The following HIPK2 variants were observed in gnomAD, a reference collection of about 807,000 sequenced individuals.
The protein encoded by HIPK2 is homeodomain-interacting protein kinase 2.
HIPK2 carries 27 observed loss-of-function variants against 113.7 expected under a neutral mutation model. That is an observed-to-expected ratio of 0.24 (90% confidence interval 0.17 to 0.33). The LOEUF is 0.33. HIPK2 is among the 10% of genes least tolerant of loss of function. The pLI is 1.00. For synonymous variants in HIPK2, 631 were observed against 642.2 expected, an observed-to-expected ratio of 0.98 and a Z score of 0.26; for missense variants, 1,257 against 1,588.0, an observed-to-expected ratio of 0.79 and a Z score of 3.54.
chr7:139,773,174 T>C (rs1195408076), intron 1 of HIPK2, among the ~76,000 whole-genome samples: 2 of 152,144 alleles, frequency 1.3e-5, no homozygotes, highest in East Asian at 1.9e-4. Flanking sequence ...GGTGGAACAT[T>C]TGAGTTCATG....
intron 1 of HIPK2, among the ~76,000 whole-genome samples, chr7:139,776,045 G>C (rs1399797985): frequency 6.6e-6 from 1 of 152,156 alleles, no homozygotes; most frequent in Non-Finnish European, 1.5e-5. Context: ...CTAGACAGTG[G>C]GAGCATTGAC....
chr7:139,615,487 C>T lies in HIPK2; in HGVS notation c.1783-994G>A, dbSNP rs1442230768. On this transcript the variant is annotated intron_variant, in intron 7 of 14. Coordinates refer to ENST00000406875, the MANE Select transcript of HIPK2 (RefSeq NM_022740.5). ...GAAAAAGACATCACTTGAGACTGAA[C>T]TTGCATGAAAAATGAGGCTGTATAA... is the stretch of plus-strand genomic sequence containing the variant. Among the ~76,000 whole-genome samples the T allele has an allele frequency of 2.0e-5, 3 of 152,184 alleles. No individual in the cohort carries two copies. In the East Asian group the frequency reaches 5.8e-4, roughly 29 times the overall value.
chr7:139,756,595 T>C (rs1216371248), intron 1 of HIPK2, among the ~76,000 whole-genome samples: 1 of 152,188 alleles, frequency 6.6e-6, no homozygotes, highest in Non-Finnish European at 1.5e-5. Flanking sequence ...TGGCTAATTT[T>C]TGTACTTTTA....
chr7:139,742,102 G>A (rs1409459276), intron 1 of HIPK2, among the ~76,000 whole-genome samples: 5 of 152,204 alleles, frequency 3.3e-5, no homozygotes, highest in Non-Finnish European at 7.3e-5. Flanking sequence ...GAATGTAAAT[G>A]ACAACATCTT....
intron 2 of HIPK2, among the ~76,000 whole-genome samples, chr7:139,655,129 G>A (rs1010007257): frequency 6.6e-6 from 1 of 152,220 alleles, no homozygotes; most frequent in Non-Finnish European, 1.5e-5. Context: ...TCCCCAGCCT[G>A]GAGCTGAGTA....
chr7:139,667,116 A>C (rs1412137118), intron 2 of HIPK2, among the ~76,000 whole-genome samples: 2 of 152,004 alleles, frequency 1.3e-5, no homozygotes, highest in African/African-American at 4.8e-5. Flanking sequence ...TAACACAATA[A>C]ATTTTCATTT....
chr7:139,673,799 G>A (rs1409579422), intron 2 of HIPK2, among the ~76,000 whole-genome samples: 1 of 146,426 alleles, frequency 6.8e-6, no homozygotes, highest in Non-Finnish European at 1.5e-5. Context: ...TGTAATCCCA[G>A]CACTTTGGGA....
chr7:139,673,476 C>G (rs1442616355), intron 2 of HIPK2, among the ~76,000 whole-genome samples: 4 of 152,144 alleles, frequency 2.6e-5, no homozygotes, highest in Non-Finnish European at 4.4e-5. Flanking sequence ...CAGCTTCTGC[C>G]TCTTTTTGTA....
At position 139,571,661 on chromosome 7, in the gene HIPK2, A is replaced by C. The variant is rs1331447750; in HGVS notation, c.*1266T>G. The stretch of plus-strand genomic sequence containing the variant: ...GCATTAACATTTTAAAAAGAAAAAG[A>C]AAAAGAAAAAAAAAAGGCCAGCGTA... On this transcript the variant is annotated 3_prime_UTR_variant, in exon 15 of 15. Transcript: ENST00000406875. 6.6e-6 allele frequency: 1 copy of C among 152,138 alleles called. No homozygotes were observed. Among genetic ancestry groups the C allele is most frequent in the African/African-American group, 2.4e-5 (1 of 41,456 alleles). 9.4% of individuals were successfully genotyped at this position (152,138 alleles called of 1,614,324 possible).
chr7:139,607,644 A>G (rs1799665269), intron 9 of HIPK2, among the ~76,000 whole-genome samples: 1 of 152,188 alleles, frequency 6.6e-6, no homozygotes, highest in Non-Finnish European at 1.5e-5. Context: ...TAATCACAGT[A>G]TATTATAAGG....
At chr7:139,765,755 T>G (rs1184015247) in intron 1 of HIPK2, among the ~76,000 whole-genome samples, 1 of 152,166 alleles carries the variant, frequency 6.6e-6, no homozygotes, top group Non-Finnish European at 1.5e-5. Flanking sequence ...CAGCACCTCC[T>G]CCATCTTCTG....
chr7:139,706,220 T>C (rs1008989824), intron 2 of HIPK2, among the ~76,000 whole-genome samples: 13 of 152,158 alleles, frequency 8.5e-5, no homozygotes, highest in African/African-American at 3.1e-4. Context: ...AGGCCTTAAA[T>C]ATAAACTTCA....
At chr7:139,651,187 G>C (rs1481045571) in intron 2 of HIPK2, among the ~76,000 whole-genome samples, 1 of 152,034 alleles carries the variant, frequency 6.6e-6, no homozygotes. Context: ...TGCCCTGATG[G>C]GAACCAATGA....
chr7:139,721,725 G>T (rs1795413743), intron 1 of HIPK2, among the ~76,000 whole-genome samples: 1 of 152,118 alleles, frequency 6.6e-6, no homozygotes, highest in African/African-American at 2.4e-5. Context: ...GAAAGAGAAG[G>T]CGGATTTTAC....
chr7:139,644,589 G>T (rs548776113), intron 2 of HIPK2, among the ~76,000 whole-genome samples: 1 of 152,340 alleles, frequency 6.6e-6, no homozygotes, highest in African/African-American at 2.4e-5. Flanking sequence ...GGATCCTTTT[G>T]TTGACTGTTT....
At chr7:139,765,478 C>T (rs1541481) in intron 1 of HIPK2, among the ~76,000 whole-genome samples, 54,714 of 151,746 alleles carry the variant, frequency 0.36, 13,805 homozygotes, top group African/African-American at 0.71. Flanking sequence ...AAAAGTGGAA[C>T]GTTTGTCTTT....
chr7:139,577,443 C>A (rs538998185), intron 13 of HIPK2, among the ~76,000 whole-genome samples: 10 of 152,096 alleles, frequency 6.6e-5, no homozygotes, highest in Admixed American at 1.3e-4. Context: ...TGAGCCACCG[C>A]GCTGGGCCAA....
At chr7:139,672,119 T>G (rs1158770647) in intron 2 of HIPK2, among the ~76,000 whole-genome samples, 1 of 152,226 alleles carries the variant, frequency 6.6e-6, no homozygotes, top group Non-Finnish European at 1.5e-5. Context: ...GTGACCACAG[T>G]GTATGCTGAA....
At chr7:139,657,175 A>G (rs1451954185) in intron 2 of HIPK2, among the ~76,000 whole-genome samples, 1 of 152,136 alleles carries the variant, frequency 6.6e-6, no homozygotes, top group African/African-American at 2.4e-5. Context: ...CTGGCTTGCC[A>G]GTTCTACGTC....
Sources: allele counts gnomAD v4.1 joint callset (sites outside exome capture counted in the v4.1 genomes callset), GRCh38; gene constraint gnomAD v4.1.1; transcripts MANE v1.5; gene names NCBI Gene and HGNC (gene_info 2026-07-23, HGNC 2026-07-21).